UBAC2: variants seen among roughly 807,000 people sequenced by gnomAD.
The protein encoded by UBAC2 is ubiquitin-associated domain-containing protein 2.
In UBAC2, 26 loss-of-function variants were observed where a neutral mutation model predicts 44.0. The ratio of observed to expected loss-of-function variants is 0.59; its 90% confidence interval spans 0.43 to 0.82. UBAC2 has a LOEUF of 0.82. Among genes scored for constraint, UBAC2 ranks in the 40% least tolerant of loss-of-function variants. The pLI, the probability that UBAC2 is intolerant of heterozygous loss-of-function variation, is 0.00. For missense variants in UBAC2, 329 were observed against 419.4 expected (o/e 0.78, Z 1.88); for synonymous variants, 155 against 154.3 (o/e 1.00, Z -0.04).
At chr13:99,367,612 T>C (rs1478361275) in intron 7 of UBAC2, among the ~76,000 whole-genome samples, 175 bp from the exon 8 acceptor site, 3 of 152,236 alleles carry the variant, frequency 2.0e-5, no homozygotes. Flanking sequence ...AATTTTGTGC[T>C]ATTGACTGAA....
chr13:99,243,749 G>A (rs2142739788), intron 2 of UBAC2, 83 bp from the exon 3 acceptor site: 4 of 1,269,750 alleles, frequency 3.2e-6, no homozygotes, highest in East Asian at 5.2e-5. Context: ...AAAATAGGCA[G>A]TGTAAACATA....
intron 4 of UBAC2, chr13:99,254,966 A>G (rs777880406): frequency 6.2e-7 from 1 of 1,614,094 alleles, no homozygotes. Flanking sequence ...TAATTACGGT[A>G]TAGCATGACA....
At chr13:99,234,855 A>G (rs2043216367) in intron 1 of UBAC2, among the ~76,000 whole-genome samples, 1 of 152,224 alleles carries the variant, frequency 6.6e-6, no homozygotes, top group Non-Finnish European at 1.5e-5. Flanking sequence ...CTTGGGGGAA[A>G]TGTTCCTGAG....
At chr13:99,227,620 T>G (rs1280923001) in intron 1 of UBAC2, among the ~76,000 whole-genome samples, 1 of 152,202 alleles carries the variant, frequency 6.6e-6, no homozygotes, top group East Asian at 1.9e-4. Flanking sequence ...CTAGTTCATT[T>G]CTCATAGGAT....
At chr13:99,262,710 C>CGAAAAAA in intron 4 of UBAC2, among the ~76,000 whole-genome samples, 1 of 57,158 alleles carries the variant, frequency 1.7e-5, no homozygotes, top group Non-Finnish European at 3.1e-5. Context: ...AACTCCCTCT[C>CGAAAAAA]AAAAAAAAAA....
At chr13:99,384,256 A>G (rs1324423921) in intron 8 of UBAC2, among the ~76,000 whole-genome samples, 1 of 152,236 alleles carries the variant, frequency 6.6e-6, no homozygotes, top group East Asian at 1.9e-4. Context: ...GCAAGTGGCT[A>G]AAAAACTCAA....
intron 2 of UBAC2, among the ~76,000 whole-genome samples, chr13:99,241,204 G>T (rs2043295091): frequency 6.7e-6 from 1 of 150,132 alleles, no homozygotes; most frequent in Non-Finnish European, 1.5e-5. Context: ...GGTTGAGCCT[G>T]CAGTGAGATG....
chr13:99,326,483 A>G (rs972157882), intron 6 of UBAC2, among the ~76,000 whole-genome samples: 1 of 152,210 alleles, frequency 6.6e-6, no homozygotes, highest in African/African-American at 2.4e-5. Flanking sequence ...CACAATGTCT[A>G]CTTGATACAC....
At chr13:99,276,825 A>G (rs2043889566) in intron 4 of UBAC2, among the ~76,000 whole-genome samples, 2 of 152,250 alleles carry the variant, frequency 1.3e-5, no homozygotes, top group Non-Finnish European at 2.9e-5. Context: ...TCTGTCACTT[A>G]GGTGATGCCG....
At chr13:99,220,354 T>G (rs925824820) in intron 1 of UBAC2, among the ~76,000 whole-genome samples, 6 of 152,194 alleles carry the variant, frequency 3.9e-5, no homozygotes, top group African/African-American at 1.2e-4. Flanking sequence ...GCTATTATAG[T>G]AATTCACTGA....
intron 2 of UBAC2, among the ~76,000 whole-genome samples, chr13:99,239,349 ACCC>A: frequency 6.6e-6 from 1 of 152,198 alleles, no homozygotes; most frequent in Admixed American, 6.5e-5. Flanking sequence ...GTCCTTCTCA[ACCC>A]CGGACACACA....
At chr13:99,364,626 G>A (rs754489720) in intron 7 of UBAC2, among the ~76,000 whole-genome samples, 1 of 151,946 alleles carries the variant, frequency 6.6e-6, no homozygotes, top group Non-Finnish European at 1.5e-5. Context: ...GTAGGTTTTT[G>A]GTGGGTAGAT....
At chr13:99,236,472 T>G (rs1352810892) in intron 1 of UBAC2, among the ~76,000 whole-genome samples, 1 of 152,196 alleles carries the variant, frequency 6.6e-6, no homozygotes, top group Non-Finnish European at 1.5e-5. Context: ...TGCTCAACAT[T>G]ATTGATCATC....
intron 7 of UBAC2, among the ~76,000 whole-genome samples, chr13:99,353,848 T>C (rs571034303): frequency 6.6e-6 from 1 of 152,166 alleles, no homozygotes; most frequent in Non-Finnish European, 1.5e-5. Flanking sequence ...AGCCTTGATT[T>C]CGTGCAACCC....
At position 99,386,210 on chromosome 13, in the gene UBAC2, C is replaced by T. The variant is rs942137050; in HGVS notation, c.*875C>T. On this transcript the variant is annotated 3_prime_UTR_variant, in exon 9 of 9. Transcript: ENST00000403766. ...AGCAGGTTCTCCTCAGGGCTTGGGT[C>T]TTCAACCTGTGGCGACAGGAGGCAG... 1 of 152,304 alleles carries T rather than the reference C, an allele frequency of 6.6e-6. No homozygotes were observed. The highest frequency in any genetic ancestry group is 1.5e-5 in the Non-Finnish European group (1 of 68,094). The allele number at this position is 152,304 out of a possible 1,614,324, so 9.4% of individuals were successfully genotyped here.
intron 7 of UBAC2, among the ~76,000 whole-genome samples, chr13:99,358,102 G>A (rs1397926701): frequency 6.6e-6 from 1 of 152,158 alleles, no homozygotes; most frequent in Non-Finnish European, 1.5e-5. Flanking sequence ...GCACGCAGAG[G>A]AGTACAGGGT....
chr13:99,257,236 CAAATG>C, intron 4 of UBAC2, among the ~76,000 whole-genome samples: 1 of 152,146 alleles, frequency 6.6e-6, no homozygotes, highest in Non-Finnish European at 1.5e-5. Context: ...TAATTTCTAT[CAAATG>C]AGGAAAGTGC....
chr13:99,243,175 T>C (rs1223688793), intron 2 of UBAC2, among the ~76,000 whole-genome samples: 1 of 152,024 alleles, frequency 6.6e-6, no homozygotes, highest in African/African-American at 2.4e-5. Context: ...TCATTGGGAT[T>C]ATCTTTAAAA....
rs869112086 is a variant in UBAC2, at chr13:99,338,047, CTTT to C, written c.562-2247_562-2245del. Among the ~76,000 whole-genome samples, 52 of 48,874 alleles carry C rather than the reference CTTT, an allele frequency of 1.1e-3. 1 individual carries two copies. The South Asian group carries it at 0.015, about 14-fold the overall frequency. 32.1% of individuals were successfully genotyped at this position (48,874 alleles called of 152,430 possible). On this transcript the variant is annotated intron_variant, in intron 6 of 8. Coordinates refer to ENST00000403766, the MANE Select transcript of UBAC2 (RefSeq NM_001144072.2). ...ATCTCCTAACTTTTTTTCTTTTTTT[CTTT>C]TTTTTTTTTTTTTTTTTTTTTTTTT... is the stretch of plus-strand genomic sequence containing the variant.
Sources: gnomAD v4.1 joint callset for allele counts (sites outside exome capture counted in the v4.1 genomes callset) on GRCh38, gnomAD v4.1.1 for gene constraint, MANE v1.5 for transcripts, NCBI Gene and HGNC (gene_info 2026-07-23, HGNC 2026-07-21) for gene names.